STARD10: variants seen among roughly 807,000 people sequenced by gnomAD.
STARD10 encodes the protein StAR related lipid transfer domain containing 10, also known as START domain-containing protein 10.
STARD10 carries 24 observed loss-of-function variants against 36.0 expected under a neutral mutation model. The observed-to-expected ratio is 0.67, with a 90% CI of 0.48 to 0.94. The LOEUF (loss-of-function observed/expected upper bound fraction) is 0.94, where lower values mean the gene tolerates loss of function less well. Among genes scored for constraint, STARD10 ranks in the 40% least tolerant of loss-of-function variants. STARD10 has a pLI of 0.00. For missense variants in STARD10, 335 were observed against 396.6 expected, an observed-to-expected ratio of 0.84 and a Z score of 1.32; for synonymous variants, 156 against 161.9, an observed-to-expected ratio of 0.96 and a Z score of 0.28.
intron 2 of STARD10, among the ~76,000 whole-genome samples, chr11:72,770,971 C>A (rs969824143): frequency 2.0e-5 from 3 of 152,224 alleles, no homozygotes; most frequent in African/African-American, 7.2e-5. Context: ...TTCATTCATC[C>A]ATTCTCAGCA....
At chr11:72,755,388 G>A (rs1329990648) in intron 6 of STARD10, 2 of 558,462 alleles carry the variant, frequency 3.6e-6, no homozygotes, top group Non-Finnish European at 6.2e-6. Flanking sequence ...TCGGCTCACT[G>A]CAACCTCTGC....
At chr11:72,765,937 T>A (rs961324708) in intron 2 of STARD10, 1 of 151,958 alleles carries the variant, frequency 6.6e-6, no homozygotes, top group Non-Finnish European at 1.5e-5. Context: ...GCTGAGATCA[T>A]ACCACTGCAC....
chr11:72,789,844 G>A (rs561516891), intron 1 of STARD10, among the ~76,000 whole-genome samples: 1 of 152,312 alleles, frequency 6.6e-6, no homozygotes, highest in Non-Finnish European at 1.5e-5. Context: ...TCCCTGCCGT[G>A]AGTCCCTGGT....
At chr11:72,775,146 C>A (rs1858914162) in intron 2 of STARD10, among the ~76,000 whole-genome samples, 1 of 152,198 alleles carries the variant, frequency 6.6e-6, no homozygotes, top group African/African-American at 2.4e-5. Flanking sequence ...TCCATGCCGT[C>A]CTGCATCCCA....
chr11:72,784,173 CCTT>C (rs1565244981), intron 1 of STARD10, among the ~76,000 whole-genome samples: 1 of 152,224 alleles, frequency 6.6e-6, no homozygotes, highest in African/African-American at 2.4e-5. Context: ...CCATTCATAT[CCTT>C]CTCAAAACAC....
intron 2 of STARD10, among the ~76,000 whole-genome samples, chr11:72,778,212 G>C (rs530207142): frequency 3.3e-5 from 5 of 152,236 alleles, no homozygotes; most frequent in Non-Finnish European, 7.3e-5. Context: ...AGAGGGGCAG[G>C]GGCTCTGGAG....
At chr11:72,786,432 T>C (rs1340515459) in intron 1 of STARD10, among the ~76,000 whole-genome samples, 1 of 151,972 alleles carries the variant, frequency 6.6e-6, no homozygotes, top group African/African-American at 2.4e-5. Flanking sequence ...TTGAGAGGGA[T>C]GTGTCCTTCA....
At chr11:72,766,794 G>A (rs1482947115) in intron 2 of STARD10, among the ~76,000 whole-genome samples, 1 of 152,190 alleles carries the variant, frequency 6.6e-6, no homozygotes, top group African/African-American at 2.4e-5. Context: ...GGCCTTGAGA[G>A]CCAAAGGCCC....
chr11:72,761,991 T>C (rs1384334001), intron 2 of STARD10, among the ~76,000 whole-genome samples: 1 of 137,786 alleles, frequency 7.3e-6, no homozygotes, highest in Non-Finnish European at 1.5e-5. Flanking sequence ...AATGACACGA[T>C]CTTGGCTCAC....
chr11:72,756,125 AC>A (rs1399341055), intron 5 of STARD10, among the ~76,000 whole-genome samples: 2 of 151,916 alleles, frequency 1.3e-5, no homozygotes, highest in East Asian at 3.9e-4. Flanking sequence ...AATGCCCCTG[AC>A]GCTCAGCCCC....
At chr11:72,755,228 A>T (rs1858627687) in intron 6 of STARD10, 86 bp from the exon 7 acceptor site, 1 of 1,456,960 alleles carries the variant, frequency 6.9e-7, no homozygotes, top group Admixed American at 2.2e-5. Context: ...AGCCCCCAGC[A>T]TCCTGACTGG....
intron 1 of STARD10, among the ~76,000 whole-genome samples, chr11:72,785,645 C>T (rs138170117): frequency 1.8e-3 from 277 of 152,070 alleles, no homozygotes; most frequent in African/African-American, 6.4e-3. Flanking sequence ...CCTCCCACCC[C>T]GTATTACATA....
rs1008491689 is a variant in STARD10, at chr11:72,781,465, G to A, written c.-113-171C>T. ...TCCCGAGGAGCGCCCCAGACCCCCT[G>A]GGGCCGGCGTGGGGACTGCGTATGG... is the stretch of plus-strand genomic sequence containing the variant. On this transcript the variant is annotated intron_variant, in intron 1 of 6. Coordinates refer to ENST00000334805, the MANE Select transcript of STARD10 (RefSeq NM_006645.3). This position sits in a 1 kb window ranked among gnomAD's most constrained non-coding sequence, Gnocchi z 4.7. Among the ~76,000 whole-genome samples, 1 of 151,864 alleles carries A rather than the reference G, an allele frequency of 6.6e-6. No individual in the cohort carries two copies. Among genetic ancestry groups the A allele is most frequent in the African/African-American group, 2.4e-5 (1 of 41,404 alleles).
At chr11:72,765,015 C>T (rs1043384781) in intron 2 of STARD10, among the ~76,000 whole-genome samples, 104 of 152,352 alleles carry the variant, frequency 6.8e-4, no homozygotes, top group African/African-American at 2.3e-3. Flanking sequence ...CTCCTGTAAT[C>T]CTAGCACTTC....
chr11:72,780,196 G>A (rs1858974378), intron 2 of STARD10: 1 of 445,564 alleles, frequency 2.2e-6, no homozygotes, highest in Non-Finnish European at 4.5e-6. Flanking sequence ...GGTCCCCTGG[G>A]GGATATGCGT....
At position 72,781,138 on chromosome 11, in the gene STARD10, G is replaced by A; in HGVS notation, c.44C>T (p.Pro15Leu). 6.2e-7 allele frequency: 1 copy of A among 1,613,216 alleles called. No individual in the cohort carries two copies. The highest frequency in any genetic ancestry group is 8.5e-7 in the Non-Finnish European group (1 of 1,180,014). Reference protein sequence around the residue: ...AASTEPQGPRPVLGRESVQVP... With the variant: ...AASTEPQGPRLVLGRESVQVP... ...CTGGACACTCTCACGGCCCAGGACC[G>A]GCCGAGGCCCTTGGGGCTCTGTAGA... The change falls in exon 2 of 7, where the codon CCG (proline) becomes CTG (leucine). Residue 15 changes from proline (P) to leucine (L), a missense_variant. Coordinates refer to ENST00000334805, the MANE Select transcript of STARD10 (RefSeq NM_006645.3). This position sits in a 1 kb window ranked among gnomAD's most constrained non-coding sequence, Gnocchi z 4.7.
chr11:72,770,837 C>T (rs931650967), intron 2 of STARD10, among the ~76,000 whole-genome samples: 71 of 152,054 alleles, frequency 4.7e-4, no homozygotes, highest in African/African-American at 1.6e-3. Context: ...GAGGTGATGG[C>T]CTGAGAACTA....
intron 2 of STARD10, among the ~76,000 whole-genome samples, chr11:72,767,599 A>G (rs672028): frequency 0.21 from 31,653 of 152,132 alleles, 5,899 homozygotes; most frequent in African/African-American, 0.5. Context: ...ATAATGCAGC[A>G]CTTTGCTGAC....
intron 2 of STARD10, among the ~76,000 whole-genome samples, chr11:72,773,977 T>C (rs984427953): frequency 3.1e-4 from 47 of 152,196 alleles, no homozygotes; most frequent in Admixed American, 2.0e-3. Context: ...TGTATGCAAG[T>C]GGAGACACAC....
Sources: gnomAD v4.1 joint callset for allele counts (sites outside exome capture counted in the v4.1 genomes callset) on GRCh38, gnomAD v4.1.1 for gene constraint, Gnocchi (gnomAD v3.1) non-coding constraint, MANE v1.5 for transcripts, NCBI Gene and HGNC (gene_info 2026-07-23, HGNC 2026-07-21) for gene names.